Variants in ESRRG observed in about 807,000 individuals in gnomAD.
The protein encoded by ESRRG is estrogen-related receptor gamma.
Under a neutral mutation model 44.0 loss-of-function variants are expected in ESRRG, and 13 were observed. That is an observed-to-expected ratio of 0.30 (90% confidence interval 0.19 to 0.47). ESRRG has a LOEUF of 0.47. Ranked by LOEUF, ESRRG falls within the 20% of genes least tolerant of loss-of-function variation. The probability of loss-of-function intolerance (pLI) is 1.00; values close to 1 mark genes in which losing one functional copy is unlikely to be tolerated. For missense variants in ESRRG, 395 were observed against 580.6 expected, an observed-to-expected ratio of 0.68 and a Z score of 3.29; for synonymous variants, 215 against 214.6, an observed-to-expected ratio of 1.00 and a Z score of -0.02.
At chr1:216,856,891 C>A (rs968421178) in intron 2 of ESRRG, among the ~76,000 whole-genome samples, 1 of 152,174 alleles carries the variant, frequency 6.6e-6, no homozygotes, top group Non-Finnish European at 1.5e-5. Flanking sequence ...ATACTTACTG[C>A]AATACATCAA....
At chr1:216,802,122 TGTA>T (rs2094641144) in intron 2 of ESRRG, among the ~76,000 whole-genome samples, 1 of 152,076 alleles carries the variant, frequency 6.6e-6, no homozygotes, top group African/African-American at 2.4e-5. Context: ...AACCATCCAG[TGTA>T]GTGACTGCAG....
intron 1 of ESRRG, among the ~76,000 whole-genome samples, chr1:216,961,124 A>C (rs1431335904): frequency 2.0e-5 from 3 of 152,208 alleles, no homozygotes; most frequent in African/African-American, 7.2e-5. Flanking sequence ...ACGTTGCCAG[A>C]TGGTAACTTG....
chr1:216,949,420 T>A (rs2818757), intron 1 of ESRRG, among the ~76,000 whole-genome samples: 126,415 of 152,158 alleles, frequency 0.83, 52,791 homozygotes, highest in Middle Eastern at 0.91. Context: ...CTGGATGAGA[T>A]CATTACCCCT....
chr1:216,739,054 G>T (rs1341861778), intron 2 of ESRRG, among the ~76,000 whole-genome samples: 1 of 152,064 alleles, frequency 6.6e-6, no homozygotes, highest in Non-Finnish European at 1.5e-5. Context: ...TTGGAGCGGA[G>T]GTCAGGGGAG....
intron 6 of ESRRG, among the ~76,000 whole-genome samples, chr1:216,510,598 A>T (rs2148769716): frequency 6.6e-6 from 1 of 152,284 alleles, no homozygotes; most frequent in East Asian, 1.9e-4. Flanking sequence ...AATATTAATC[A>T]TTGTGGGCCA....
At chr1:217,061,735 A>C (rs1287956626) in intron 1 of ESRRG, among the ~76,000 whole-genome samples, 2 of 152,148 alleles carry the variant, frequency 1.3e-5, no homozygotes, top group Non-Finnish European at 2.9e-5. Context: ...CACTGCCACA[A>C]TCTAAATTTA....
At position 216,603,388 on chromosome 1, in the gene ESRRG, T is replaced by C. The variant is rs140219804; in HGVS notation, c.590-35290A>G. Among the ~76,000 whole-genome samples the C allele has an allele frequency of 2.1e-3, 327 of 152,338 alleles. 3 individuals carry two copies. Among genetic ancestry groups the C allele is most frequent in the African/African-American group, 7.4e-3 (307 of 41,574 alleles). On this transcript the variant is annotated intron_variant, in intron 3 of 6. Coordinates refer to ENST00000408911, the MANE Select transcript of ESRRG (RefSeq NM_001438.4). ...TGAAGTAGCATGCAAATATTTGTTA[T>C]AACTTTACCTATCTGCCTTATCTGG... is the stretch of plus-strand genomic sequence containing the variant.
chr1:216,928,886 T>A (rs1346839849), intron 2 of ESRRG, among the ~76,000 whole-genome samples: 1 of 152,156 alleles, frequency 6.6e-6, no homozygotes, highest in Non-Finnish European at 1.5e-5. Flanking sequence ...TTTTACGTAT[T>A]TGAGGCACCC....
intron 5 of ESRRG, among the ~76,000 whole-genome samples, chr1:216,534,716 G>A (rs1386216595): frequency 1.3e-5 from 2 of 152,076 alleles, no homozygotes; most frequent in African/African-American, 4.8e-5. Flanking sequence ...TCCATAAGTT[G>A]TTTTACACAT....
chr1:216,572,822 A>G (rs1558575977), intron 3 of ESRRG, among the ~76,000 whole-genome samples: 4 of 152,052 alleles, frequency 2.6e-5, no homozygotes, highest in South Asian at 2.1e-4. Flanking sequence ...GAAGATTAAA[A>G]TATTCTAAGT....
intron 3 of ESRRG, among the ~76,000 whole-genome samples, chr1:216,574,727 C>T (rs191479859): frequency 2.6e-5 from 4 of 152,062 alleles, no homozygotes; most frequent in South Asian, 2.1e-4. Context: ...TTGAAAAGAT[C>T]GTTAATGAAC....
intron 2 of ESRRG, among the ~76,000 whole-genome samples, chr1:216,672,620 C>T (rs1009261317): frequency 3.3e-5 from 5 of 152,158 alleles, no homozygotes; most frequent in Admixed American, 2.6e-4. Context: ...GTAATCCCAG[C>T]ACTTTGGGAG....
At chr1:216,803,184 C>A (rs1403597802) in intron 2 of ESRRG, among the ~76,000 whole-genome samples, 1 of 152,062 alleles carries the variant, frequency 6.6e-6, no homozygotes, top group Non-Finnish European at 1.5e-5. Context: ...GGAATGCTGG[C>A]ACACTCAGAA....
chr1:216,590,802 A>G (rs1257717605), intron 3 of ESRRG, among the ~76,000 whole-genome samples: 1 of 152,202 alleles, frequency 6.6e-6, no homozygotes, highest in Non-Finnish European at 1.5e-5. Context: ...TATCTCAATT[A>G]GACTCCAATT....
chr1:216,784,715 TCTTCCTTC>T (rs1380617570), intron 2 of ESRRG, among the ~76,000 whole-genome samples: 2 of 152,190 alleles, frequency 1.3e-5, no homozygotes, highest in African/African-American at 4.8e-5. Context: ...TAGTTTCCTT[TCTTCCTTC>T]CTCCTCCCTT....
chr1:216,769,908 T>C (rs1229930087), intron 2 of ESRRG, among the ~76,000 whole-genome samples: 1 of 152,054 alleles, frequency 6.6e-6, no homozygotes, highest in South Asian at 2.1e-4. Flanking sequence ...AGATGGTGGG[T>C]AGACAATATT....
At chr1:216,531,351 G>A (rs1572403188) in intron 5 of ESRRG, among the ~76,000 whole-genome samples, 1 of 152,034 alleles carries the variant, frequency 6.6e-6, no homozygotes, top group South Asian at 2.1e-4. Flanking sequence ...TTTTCTCTGC[G>A]GCTAATGAAG....
chr1:216,837,410 C>CAAA lies in ESRRG; in HGVS notation c.-14+102169_-14+102171dup, dbSNP rs3072231. Among the ~76,000 whole-genome samples, 4 of 148,320 alleles carry CAAA rather than the reference C, an allele frequency of 2.7e-5. 1 individual carries two copies. The highest frequency in any genetic ancestry group is 7.5e-5 in the African/African-American group (3 of 39,806). ...TGGGCAACACAGCAAGACTCCGTAT[C>CAAA]AAAAAAAAAATACAACTTTTTCCAT... is the stretch of plus-strand genomic sequence containing the variant. On this transcript the variant is annotated intron_variant, in intron 2 of 7. Transcript: ENST00000359162.
chr1:216,969,409 G>GA (rs758666318), intron 1 of ESRRG, among the ~76,000 whole-genome samples: 9 of 150,464 alleles, frequency 6.0e-5, no homozygotes, highest in Non-Finnish European at 1.0e-4. Flanking sequence ...CATCCAAATT[G>GA]AAAAAAAACA....
Sources: allele counts gnomAD v4.1 joint callset (sites outside exome capture counted in the v4.1 genomes callset), GRCh38; gene constraint gnomAD v4.1.1; transcripts MANE v1.5; gene names NCBI Gene and HGNC (gene_info 2026-07-23, HGNC 2026-07-21).